DPF3: variants seen among roughly 807,000 people sequenced by gnomAD.
DPF3 encodes the protein double PHD fingers 3, also known as zinc finger protein DPF3.
In DPF3, 18 loss-of-function variants were observed where a neutral mutation model predicts 56.8. The ratio of observed to expected loss-of-function variants is 0.32; its 90% CI spans 0.22 to 0.47. The LOEUF (loss-of-function observed/expected upper bound fraction) is 0.47. Among genes scored for constraint, DPF3 ranks in the 20% least tolerant of loss-of-function variants. The probability of loss-of-function intolerance (pLI) is 1.00; values close to 1 mark genes in which losing one functional copy is unlikely to be tolerated. For synonymous variants in DPF3, 188 were observed against 180.2 expected, an observed-to-expected ratio of 1.04 and a Z score of -0.35; for missense variants, 403 against 488.8, an observed-to-expected ratio of 0.82 and a Z score of 1.65.
At chr14:72,710,772 G>C (rs947284810) in intron 6 of DPF3, among the ~76,000 whole-genome samples, 7 of 152,234 alleles carry the variant, frequency 4.6e-5, no homozygotes, top group African/African-American at 1.7e-4. Context: ...TTTTCCTTAA[G>C]CAAGAGATTA....
At chr14:72,756,102 G>T (rs901144115) in intron 2 of DPF3, among the ~76,000 whole-genome samples, 1 of 152,158 alleles carries the variant, frequency 6.6e-6, no homozygotes, top group African/African-American at 2.4e-5. Context: ...CTAGGGCTGG[G>T]GAGGGGACAT....
intron 1 of DPF3, among the ~76,000 whole-genome samples, chr14:72,813,526 C>A (rs980753224): frequency 6.6e-6 from 1 of 152,220 alleles, no homozygotes; most frequent in East Asian, 1.9e-4. Flanking sequence ...AACAAACCCA[C>A]TCACAAATAT....
intron 8 of DPF3, among the ~76,000 whole-genome samples, chr14:72,673,811 G>T (rs61994455): frequency 0.037 from 5,570 of 152,212 alleles, 112 homozygotes; most frequent in African/African-American, 0.048. Context: ...GTTGCTCTCC[G>T]AATACTCATG....
At position 72,781,275 on chromosome 14, in the gene DPF3, T is replaced by C. The variant is rs551973228; in HGVS notation, c.33-9382A>G. 3.9e-5 allele frequency among the ~76,000 whole-genome samples: 6 copies of C among 152,306 alleles called. No individual in the cohort carries two copies. The South Asian group carries it at 1.2e-3, about 32-fold the overall frequency. ...ACAAAAGTCCTCATCCCTAACAAAA[T>C]TGCCAAAAGCCCTGGTCAAGGCAAA... On this transcript the variant is annotated intron_variant, in intron 1 of 10. Transcript: ENST00000556509.
At position 72,838,189 on chromosome 14, in the gene DPF3, G is replaced by A. The variant is rs145605559; in HGVS notation, c.32+55868C>T. On this transcript the variant is annotated intron_variant, in intron 1 of 10. Coordinates refer to ENST00000556509, the MANE Select transcript of DPF3 (RefSeq NM_001280542.3). ...GGGCCTGCTCCTGGAAGTCATTGAT[G>A]CCATTGTTAAAACACAGCACCAGGC... Among the ~76,000 whole-genome samples, 871 of 152,294 alleles carry A rather than the reference G, an allele frequency of 5.7e-3. 5 individuals carry two copies. Among genetic ancestry groups the A allele is most frequent in the Non-Finnish European group, 9.1e-3 (617 of 68,018 alleles).
chr14:72,817,906 C>T (rs146188820), intron 1 of DPF3, among the ~76,000 whole-genome samples: 4 of 152,032 alleles, frequency 2.6e-5, no homozygotes, highest in African/African-American at 9.6e-5. Context: ...ATGTTGTACA[C>T]AAAAAATAAC....
chr14:72,805,970 C>T (rs2332919), intron 1 of DPF3: 110,643 of 152,084 alleles, frequency 0.73, 40,506 homozygotes, highest in East Asian at 0.79. Flanking sequence ...ATGGGTTCCA[C>T]CTCTTCTGGG....
intron 1 of DPF3, among the ~76,000 whole-genome samples, chr14:72,847,637 G>A (rs1000991396): frequency 2.6e-5 from 4 of 151,756 alleles, no homozygotes; most frequent in South Asian, 4.2e-4. Context: ...TCAGCCTCCC[G>A]AGTAGCTGGG....
At chr14:72,701,933 T>C (rs1388175495) in intron 6 of DPF3, among the ~76,000 whole-genome samples, 2 of 152,178 alleles carry the variant, frequency 1.3e-5, no homozygotes, top group South Asian at 4.1e-4. Flanking sequence ...GACCCCACCA[T>C]GCCTGTCATC....
intron 1 of DPF3, among the ~76,000 whole-genome samples, chr14:72,798,021 G>C (rs545669751): frequency 8.9e-4 from 136 of 152,194 alleles, no homozygotes; most frequent in Non-Finnish European, 1.2e-3. Context: ...TTGGGAGTCT[G>C]AGGTGGGTGG....
intron 1 of DPF3, among the ~76,000 whole-genome samples, chr14:72,793,511 G>C (rs1020943129): frequency 9.2e-5 from 14 of 152,310 alleles, no homozygotes; most frequent in African/African-American, 3.1e-4. Flanking sequence ...GGCCATATGG[G>C]CTCCCCCTGC....
At position 72,611,965 on chromosome 14, in the gene DPF3, A is replaced by C. The variant is rs1883753657; in HGVS notation, c.*7332T>G. 6.6e-6 allele frequency among the ~76,000 whole-genome samples: 1 copy of C among 152,196 alleles called. No individual in the cohort carries two copies. The highest frequency in any genetic ancestry group is 1.5e-5 in the Non-Finnish European group (1 of 68,034). ...GCAGAGCTTAATTTCATGGCTGAAA[A>C]GCAACTTGAAGGCTAGGCCAGCATG... On this transcript the variant is annotated 3_prime_UTR_variant, in exon 11 of 11. Transcript: ENST00000556509.
At chr14:72,877,615 A>G (rs1348751317) in intron 1 of DPF3, among the ~76,000 whole-genome samples, 1 of 152,214 alleles carries the variant, frequency 6.6e-6, no homozygotes, top group Non-Finnish European at 1.5e-5. Flanking sequence ...AAAAGGTTTC[A>G]GAATTCAGAC....
At chr14:72,769,851 T>C (rs1226568552) in intron 2 of DPF3, among the ~76,000 whole-genome samples, 1 of 152,090 alleles carries the variant, frequency 6.6e-6, no homozygotes, top group Non-Finnish European at 1.5e-5. Flanking sequence ...ATTATATTGA[T>C]CGTCTTTGGA....
At chr14:72,838,646 A>G (rs879668252) in intron 1 of DPF3, among the ~76,000 whole-genome samples, 2 of 149,674 alleles carry the variant, frequency 1.3e-5, no homozygotes, top group Non-Finnish European at 3.0e-5. Context: ...AATCCCAGCT[A>G]CTCGGGAGGC....
Position 72,617,160 on chromosome 14 carries a change from T to G in DPF3, c.*2137A>C, listed in dbSNP as rs2153565459. ...ACAGGGCTGCCCTATCACCTGCACT[T>G]CTGTGGAAAACAAATTTGCACATAC... On this transcript the variant is annotated 3_prime_UTR_variant, in exon 11 of 11. Transcript: ENST00000556509. Among the ~76,000 whole-genome samples, 1 of 152,270 alleles carries G rather than the reference T, an allele frequency of 6.6e-6. No individual in the cohort carries two copies. The highest frequency in any genetic ancestry group is 2.1e-4 in the South Asian group (1 of 4,818).
At chr14:72,876,464 G>A (rs914219022) in intron 1 of DPF3, among the ~76,000 whole-genome samples, 3 of 152,060 alleles carry the variant, frequency 2.0e-5, no homozygotes, top group Admixed American at 6.5e-5. Flanking sequence ...AACAGTGACT[G>A]CCAAACCGGG....
chr14:72,870,991 T>TTCCATATGGCTGAGGAGG (rs11271695), intron 1 of DPF3, among the ~76,000 whole-genome samples: 40,834 of 151,584 alleles, frequency 0.27, 5,968 homozygotes, highest in African/African-American at 0.38. Flanking sequence ...GGACTTAAAG[T>TTCCATATGGCTGAGGAGG]CCTCAGAATC....
intron 3 of DPF3, among the ~76,000 whole-genome samples, chr14:72,749,831 G>A (rs927447563): frequency 6.6e-6 from 1 of 150,400 alleles, no homozygotes; most frequent in Non-Finnish European, 1.5e-5. Flanking sequence ...CAGGGTGACA[G>A]AGTGAGACCC....
Sources: gnomAD v4.1 joint callset for allele counts (sites outside exome capture counted in the v4.1 genomes callset) on GRCh38, gnomAD v4.1.1 for gene constraint, MANE v1.5 for transcripts, NCBI Gene and HGNC (gene_info 2026-07-23, HGNC 2026-07-21) for gene names.